GOLGA4: variants seen among roughly 807,000 people sequenced by gnomAD.
The protein encoded by GOLGA4 is golgin A4.
GOLGA4 carries 169 observed loss-of-function variants against 265.9 expected under a neutral mutation model. That is an observed-to-expected ratio of 0.64 (90% confidence interval 0.56 to 0.72). The LOEUF is 0.72. GOLGA4 is among the 30% of genes least tolerant of loss of function. The pLI is 0.00. For synonymous variants in GOLGA4, 923 were observed against 855.8 expected (o/e 1.08, Z -1.37); for missense variants, 2,482 against 2,483.4 (o/e 1.00, Z 0.01).
chr3:37,356,716 A>G (rs902890776), intron 22 of GOLGA4, among the ~76,000 whole-genome samples: 3 of 152,166 alleles, frequency 2.0e-5, no homozygotes, highest in Non-Finnish European at 2.9e-5. Context: ...AAAATTTCTA[A>G]TGCAGTTTGA....
chr3:37,281,621 G>C (rs1302591143), intron 2 of GOLGA4, among the ~76,000 whole-genome samples: 1 of 152,134 alleles, frequency 6.6e-6, no homozygotes, highest in Non-Finnish European at 1.5e-5. Flanking sequence ...ACAGTTTAGT[G>C]GATGAATCCT....
At chr3:37,251,981 A>G (rs1254967586) in intron 2 of GOLGA4, among the ~76,000 whole-genome samples, 1 of 152,180 alleles carries the variant, frequency 6.6e-6, no homozygotes, top group African/African-American at 2.4e-5. Context: ...AGAGGATAAT[A>G]TGTTCTGGAT....
At chr3:37,249,419 A>G (rs769188546) in intron 1 of GOLGA4, among the ~76,000 whole-genome samples, 4 of 151,852 alleles carry the variant, frequency 2.6e-5, no homozygotes, top group Non-Finnish European at 4.4e-5. Flanking sequence ...TCTTGTTTAT[A>G]TGCTTTTTTT....
intron 10 of GOLGA4, among the ~76,000 whole-genome samples, chr3:37,311,851 G>C (rs1323744893): frequency 6.6e-6 from 1 of 152,144 alleles, no homozygotes; most frequent in African/African-American, 2.4e-5. Flanking sequence ...TTACTGACTA[G>C]ATTAGAAAAC....
At chr3:37,292,086 C>A (rs1578535857) in intron 5 of GOLGA4, among the ~76,000 whole-genome samples, 1 of 152,080 alleles carries the variant, frequency 6.6e-6, no homozygotes, top group Admixed American at 6.6e-5. Flanking sequence ...CCCTTGTAAC[C>A]AAGGACTTTT....
chr3:37,325,756 T>G lies in GOLGA4; in HGVS notation c.3870T>G (p.Ile1290Met), dbSNP rs1187889659. The change falls in exon 14 of 24, where the codon ATT (isoleucine) becomes ATG (methionine). Residue 1290 changes from isoleucine (I) to methionine (M), a missense_variant. Physicochemically the swap from Ile to Met is conservative, Grantham distance 10. This residue lies in a region of GOLGA4 where 1,536 missense variants were observed against 1,483.7 expected (regional missense o/e 1.04). Coordinates refer to ENST00000361924, the MANE Select transcript of GOLGA4 (RefSeq NM_002078.5). ...CAGAGGAGCAAAATACACTAAATATTTCTTTTCAACAGGCTACTCATCAGT... is the reference window on the plus strand; with the variant it reads ...CAGAGGAGCAAAATACACTAAATATGTCTTTTCAACAGGCTACTCATCAGT... ...QLTEEQNTLN[I>M]SFQQATHQLE... The G allele has an allele frequency of 3.1e-6, 5 of 1,613,602 alleles. No homozygotes were observed. Among genetic ancestry groups the G allele is most frequent in the Non-Finnish European group, 4.2e-6 (5 of 1,179,756 alleles).
chr3:37,248,444 G>A (rs777007567), intron 1 of GOLGA4, among the ~76,000 whole-genome samples: 6 of 152,226 alleles, frequency 3.9e-5, no homozygotes, highest in African/African-American at 7.2e-5. Flanking sequence ...ATCAGCTCAA[G>A]TTTGGTTTGA....
At chr3:37,248,235 A>T (rs1336825316) in intron 1 of GOLGA4, among the ~76,000 whole-genome samples, 1 of 152,158 alleles carries the variant, frequency 6.6e-6, no homozygotes, top group Non-Finnish European at 1.5e-5. Context: ...TTGGCCTCTC[A>T]AAGTGTTGGG....
intron 6 of GOLGA4, 55 bp downstream of exon 6, chr3:37,295,132 G>T: frequency 5.1e-6 from 5 of 983,480 alleles, no homozygotes; most frequent in South Asian, 1.6e-5. Context: ...AAATAGAGGG[G>T]GTTTGATTTG....
chr3:37,337,159 T>C lies in GOLGA4; in HGVS notation c.6323T>C (p.Leu2108Pro). The change falls in exon 18 of 24, where the codon CTA becomes CCA. Residue 2108 changes from leucine (L) to proline (P), a missense_variant. Physicochemically the swap from Leu to Pro is moderately conservative, Grantham distance 98. Transcript: ENST00000361924. ...TTTTTTCAGGTAACAATTATGGAGC[T>C]ACAGGTAAGGCTAGTTCTTCTTTTT... ...PGNDNVTIME[L>P]QTQLAQKTTL... 2 of 1,441,600 alleles carry C rather than the reference T, an allele frequency of 1.4e-6. No homozygotes were observed. The highest frequency in any genetic ancestry group is 9.6e-7 in the Non-Finnish European group (1 of 1,037,356). 89.3% of individuals were successfully genotyped at this position (1,441,600 alleles called of 1,614,324 possible).
intron 5 of GOLGA4, among the ~76,000 whole-genome samples, chr3:37,290,220 AAAAC>A (rs2096861278): frequency 1.3e-5 from 2 of 152,208 alleles, no homozygotes; most frequent in South Asian, 4.1e-4. Context: ...GCAAAGAAGA[AAAAC>A]AAGGGAGTAT....
intron 2 of GOLGA4, among the ~76,000 whole-genome samples, chr3:37,260,824 AAAT>A (rs2096767674): frequency 2.0e-5 from 3 of 152,116 alleles, no homozygotes; most frequent in Admixed American, 2.0e-4. Flanking sequence ...TCACTGAAAT[AAAT>A]AATAATAGTT....
intron 4 of GOLGA4, chr3:37,287,678 G>A (rs891762170): frequency 2.2e-4 from 34 of 152,290 alleles, no homozygotes; most frequent in African/African-American, 8.2e-4. Context: ...TATAACTACT[G>A]CACTACAGTT....
chr3:37,334,189 A>T (rs1333739123), intron 16 of GOLGA4, among the ~76,000 whole-genome samples: 1 of 152,216 alleles, frequency 6.6e-6, no homozygotes, highest in East Asian at 1.9e-4. Flanking sequence ...AAGGATGGAA[A>T]ACAGCCTTTT....
At chr3:37,266,775 C>T in intron 2 of GOLGA4, 1 of 704,462 alleles carries the variant, frequency 1.4e-6, no homozygotes. Flanking sequence ...TGCAACATGC[C>T]ATTATGATTT....
rs1346874449 is a variant in GOLGA4 at position 37,324,507 on chromosome 3, A to T, written c.2621A>T (p.Asn874Ile). The T allele has an allele frequency of 6.2e-7, 1 of 1,613,882 alleles. No individual in the cohort carries two copies. The highest frequency in any genetic ancestry group is 8.5e-7 in the Non-Finnish European group (1 of 1,179,916). Residue 874 changes from asparagine (N) to isoleucine (I), a missense_variant, in exon 14 of 24, where the codon AAT becomes ATT. By Grantham distance (149) the Asn-to-Ile change is moderately radical (BLOSUM62 -3). Coordinates refer to ENST00000361924, the MANE Select transcript of GOLGA4 (RefSeq NM_002078.5). ...TTAATGCAGCAACTTGAAAAACAAAATAGTGAAATGGAGCAAAAAGTAAAA... is the reference window on the plus strand; with the variant it reads ...TTAATGCAGCAACTTGAAAAACAAATTAGTGAAATGGAGCAAAAAGTAAAA... ...QDLMQQLEKQ[N>I]SEMEQKVKSL...
chr3:37,266,539 G>T (rs2096784235), intron 2 of GOLGA4, among the ~76,000 whole-genome samples: 1 of 152,124 alleles, frequency 6.6e-6, no homozygotes, highest in South Asian at 2.1e-4. Flanking sequence ...ATAACAGAGT[G>T]CCAGGCACTC....
intron 10 of GOLGA4, among the ~76,000 whole-genome samples, chr3:37,306,251 TAAAGAAAACAAAAAATAA>T (rs2096905718): frequency 6.6e-6 from 1 of 152,142 alleles, no homozygotes; most frequent in Non-Finnish European, 1.5e-5. Context: ...TTTTAGTGGA[TAAAGAAAACAAAAAATAA>T]GTTTATTGGT....
At position 37,337,179 on chromosome 3, in the gene GOLGA4, CT is replaced by C. The variant is rs756259334; in HGVS notation, c.6327+29del. On this transcript the variant is annotated intron_variant, in intron 18 of 23. Transcript: ENST00000361924. Reference sequence around the variant, plus strand: ...GGAGCTACAGGTAAGGCTAGTTCTTCTTTTTTTTTTTTTCTTTTTTTTCTTT... The same window carrying C: ...GGAGCTACAGGTAAGGCTAGTTCTTCTTTTTTTTTTTTCTTTTTTTTCTTT... The C allele has an allele frequency of 0.058, 56,998 of 990,316 alleles. 1 individual carries two copies. The highest frequency in any genetic ancestry group is 0.067 in the East Asian group (2,081 of 31,006). 61.3% of individuals were successfully genotyped at this position (990,316 alleles called of 1,614,324 possible).
Sources: gnomAD v4.1 joint callset for allele counts (sites outside exome capture counted in the v4.1 genomes callset) on GRCh38, gnomAD v4.1.1 for gene constraint, gnomAD v4.1.1 regional missense constraint, MANE v1.5 for transcripts, NCBI Gene and HGNC (gene_info 2026-07-23, HGNC 2026-07-21) for gene names.